The following LRP1B variants were observed in gnomAD, a reference collection of about 807,000 sequenced individuals.
The protein encoded by LRP1B is low-density lipoprotein receptor-related protein 1B.
LRP1B carries 217 observed loss-of-function variants against 556.6 expected under a neutral mutation model. That is an observed-to-expected ratio of 0.39 (90% CI 0.35 to 0.44). LRP1B has a LOEUF of 0.44. Among genes scored for constraint, LRP1B ranks in the 20% least tolerant of loss-of-function variants. LRP1B has a pLI of 1.00. For missense variants in LRP1B, 5,053 were observed against 5,620.8 expected (o/e 0.90, Z 3.23); for synonymous variants, 2,047 against 1,865.8 (o/e 1.10, Z -2.50).
At chr2:141,627,861 G>A (rs1688758874) in intron 2 of LRP1B, among the ~76,000 whole-genome samples, 1 of 152,166 alleles carries the variant, frequency 6.6e-6, no homozygotes, top group Non-Finnish European at 1.5e-5. Flanking sequence ...TGATAGTAGG[G>A]GAGGCTGTCG....
chr2:140,990,478 G>A (rs1697059504), intron 16 of LRP1B, among the ~76,000 whole-genome samples: 1 of 151,610 alleles, frequency 6.6e-6, no homozygotes, highest in Non-Finnish European at 1.5e-5. Context: ...GAGGAACACA[G>A]AAAAGAAAAT....
chr2:141,544,626 A>G (rs1685488396), intron 2 of LRP1B, among the ~76,000 whole-genome samples: 2 of 150,890 alleles, frequency 1.3e-5, no homozygotes, highest in Middle Eastern at 3.2e-3. Flanking sequence ...ACACACTTTC[A>G]CCTTCCTGTG....
chr2:141,643,964 T>A (rs867010136), intron 2 of LRP1B, among the ~76,000 whole-genome samples: 18 of 151,688 alleles, frequency 1.2e-4, no homozygotes, highest in African/African-American at 4.4e-4. Flanking sequence ...GAAAAACTCA[T>A]GGCACATGAT....
intron 41 of LRP1B, among the ~76,000 whole-genome samples, chr2:140,648,758 A>T (rs1684572888): frequency 6.6e-6 from 1 of 152,186 alleles, no homozygotes; most frequent in East Asian, 1.9e-4. Context: ...ATGGTGTGAG[A>T]TCCCAGGAGC....
rs2105446075 is a variant in LRP1B, at chr2:141,049,151, T to C, written c.1624A>G (p.Thr542Ala). The change falls in exon 11 of 91, where the codon ACC (threonine) becomes GCC (alanine). Residue 542 changes from threonine (T) to alanine (A), a missense_variant. This residue lies in a region of LRP1B where 3,619 missense variants were observed against 3,931.9 expected (regional missense o/e 0.92). Coordinates refer to ENST00000389484, the MANE Select transcript of LRP1B (RefSeq NM_018557.3). The stretch of plus-strand genomic sequence containing the variant: ...ATCATGTATTCATCAGCTATCTTGG[T>C]ATTCAAGTCCATTCCTCTAACAATT... ...PGIVRGMDLN[T>A]KIADEYMIPI... 1 of 1,613,610 alleles carries C rather than the reference T, an allele frequency of 6.2e-7. No homozygotes were observed. The highest frequency in any genetic ancestry group is 1.7e-5 in the Admixed American group (1 of 59,920).
At chr2:141,359,695 A>T (rs1461939892) in intron 3 of LRP1B, among the ~76,000 whole-genome samples, 1 of 152,160 alleles carries the variant, frequency 6.6e-6, no homozygotes, top group African/African-American at 2.4e-5. Context: ...AGCAGATGTG[A>T]CAGTGGGCCA....
At chr2:141,013,404 T>G in intron 14 of LRP1B, 152 bp downstream of exon 14, 1 of 626,448 alleles carries the variant, frequency 1.6e-6, no homozygotes, top group Non-Finnish European at 2.6e-6. Flanking sequence ...TAAATTTCTA[T>G]GATAACAAAA....
chr2:141,588,962 G>T lies in LRP1B; in HGVS notation c.206-108429C>A, dbSNP rs1006932435. Among the ~76,000 whole-genome samples the T allele has an allele frequency of 4.8e-5, 7 of 144,740 alleles. No homozygotes were observed. The East Asian group carries it at 1.5e-3, about 30-fold the overall frequency. The allele number at this position is 144,740 out of a possible 152,430, so 95.0% of individuals were successfully genotyped here. On this transcript the variant is annotated intron_variant, in intron 2 of 90. Transcript: ENST00000389484. ...GCAATCTTAATCATGCCAGAAAAAT[G>T]TTGTAATATATTTAGCCACAAGTAG...
At chr2:140,701,476 C>A (rs1686637957) in intron 40 of LRP1B, among the ~76,000 whole-genome samples, 1 of 152,076 alleles carries the variant, frequency 6.6e-6, no homozygotes, top group Admixed American at 6.6e-5. Flanking sequence ...AACCTATAAT[C>A]AAGACATGCC....
chr2:140,968,690 C>T (rs1345505309), intron 18 of LRP1B, among the ~76,000 whole-genome samples: 3 of 152,146 alleles, frequency 2.0e-5, no homozygotes, highest in Non-Finnish European at 4.4e-5. Context: ...TCCCTCTACA[C>T]ACTGCTTTGA....
At chr2:141,590,110 T>TAAAAA (rs1687283753) in intron 2 of LRP1B, among the ~76,000 whole-genome samples, 4 of 152,308 alleles carry the variant, frequency 2.6e-5, no homozygotes, top group Middle Eastern at 3.4e-3. Flanking sequence ...AAAAAATGGT[T>TAAAAA]ATTTTTACTT....
At chr2:142,107,794 ATTTTTT>A (rs67962280) in intron 1 of LRP1B, among the ~76,000 whole-genome samples, 114 of 110,562 alleles carry the variant, frequency 1.0e-3, no homozygotes, top group African/African-American at 3.5e-3. Flanking sequence ...CGCCTAGCTA[ATTTTTT>A]TTTTTTTTTT....
chr2:141,086,414 TTA>T (rs1700047948), intron 7 of LRP1B, among the ~76,000 whole-genome samples: 1 of 152,222 alleles, frequency 6.6e-6, no homozygotes, highest in Non-Finnish European at 1.5e-5. Flanking sequence ...TCTCTTTCTA[TTA>T]ATGTGTCATA....
chr2:140,552,431 A>C (rs960022982), intron 43 of LRP1B, among the ~76,000 whole-genome samples: 1 of 152,268 alleles, frequency 6.6e-6, no homozygotes, highest in Non-Finnish European at 1.5e-5. Flanking sequence ...AGAGGAGAAA[A>C]AAATATTAAA....
intron 1 of LRP1B, among the ~76,000 whole-genome samples, chr2:142,095,187 T>C (rs1408423296): frequency 6.6e-6 from 1 of 151,318 alleles, no homozygotes; most frequent in East Asian, 1.9e-4. Context: ...TTAGAACATA[T>C]CCACAATGGG....
intron 79 of LRP1B, among the ~76,000 whole-genome samples, chr2:140,333,544 AAATG>A (rs1361470705): frequency 6.6e-6 from 1 of 152,142 alleles, no homozygotes; most frequent in Non-Finnish European, 1.5e-5. Flanking sequence ...AAAACAATCT[AAATG>A]AATGGAAAGG....
At chr2:141,530,450 TA>T (rs1684830709) in intron 2 of LRP1B, among the ~76,000 whole-genome samples, 10 of 152,138 alleles carry the variant, frequency 6.6e-5, no homozygotes, top group African/African-American at 2.4e-4. Flanking sequence ...CTTACTTGAA[TA>T]TGTATTCATT....
intron 2 of LRP1B, among the ~76,000 whole-genome samples, chr2:141,656,874 T>C (rs1042456340): frequency 2.6e-5 from 4 of 152,102 alleles, no homozygotes; most frequent in Non-Finnish European, 5.9e-5. Context: ...ATAGTTTTAA[T>C]ACATACAAAG....
chr2:141,721,329 T>C (rs758043036), intron 2 of LRP1B, among the ~76,000 whole-genome samples: 20 of 152,170 alleles, frequency 1.3e-4, no homozygotes, highest in Non-Finnish European at 2.8e-4. Flanking sequence ...TAAAGAAGCA[T>C]TTGAGTACTC....
Sources: gnomAD v4.1 joint callset for allele counts (sites outside exome capture counted in the v4.1 genomes callset) on GRCh38, gnomAD v4.1.1 for gene constraint, gnomAD v4.1.1 regional missense constraint, MANE v1.5 for transcripts, NCBI Gene and HGNC (gene_info 2026-07-23, HGNC 2026-07-21) for gene names.